The following ACOXL variants were observed in gnomAD, a reference collection of about 807,000 sequenced individuals.
ACOXL encodes the protein acyl-coenzyme A oxidase-like protein.
ACOXL carries 70 observed loss-of-function variants against 71.9 expected under a neutral mutation model. That is an observed-to-expected ratio of 0.97 (90% CI 0.80 to 1.19). The LOEUF (loss-of-function observed/expected upper bound fraction) is 1.19, where lower values mean the gene tolerates loss of function less well. ACOXL is among the 50% of genes most tolerant of loss of function. The probability of loss-of-function intolerance (pLI) is 0.00; values close to 1 mark genes in which losing one functional copy is unlikely to be tolerated. For synonymous variants in ACOXL, 253 were observed against 281.6 expected (o/e 0.90, Z 1.02); for missense variants, 703 against 736.3 (o/e 0.95, Z 0.52).
intron 17 of ACOXL, among the ~76,000 whole-genome samples, chr2:111,107,724 G>A (rs114727035): frequency 0.018 from 2,739 of 152,358 alleles, 105 homozygotes; most frequent in African/African-American, 0.063. Context: ...CCGATCTCAT[G>A]TGATCTGCCC....
At chr2:110,927,161 T>A (rs2060302816) in intron 11 of ACOXL, among the ~76,000 whole-genome samples, 1 of 152,040 alleles carries the variant, frequency 6.6e-6, no homozygotes, top group Non-Finnish European at 1.5e-5. Flanking sequence ...AAGCGGGAAG[T>A]GCCACACACT....
intron 17 of ACOXL, chr2:111,093,636 G>A: frequency 6.0e-6 from 7 of 1,175,150 alleles, no homozygotes; most frequent in Non-Finnish European, 8.4e-6. Context: ...AGGCTGAGGC[G>A]GGCAGATCTC....
At chr2:110,739,874 G>A (rs1677300568) in intron 1 of ACOXL, among the ~76,000 whole-genome samples, 1 of 152,186 alleles carries the variant, frequency 6.6e-6, no homozygotes, top group Admixed American at 6.5e-5. Context: ...ATCCCTCGTG[G>A]AATGTCAGTT....
At chr2:111,023,327 G>T (rs1256847273) in intron 14 of ACOXL, among the ~76,000 whole-genome samples, 1 of 152,174 alleles carries the variant, frequency 6.6e-6, no homozygotes, top group Admixed American at 6.5e-5. Flanking sequence ...TTTAAACGCT[G>T]CCCTGGACAG....
At chr2:110,975,523 T>G (rs1217372215) in intron 12 of ACOXL, among the ~76,000 whole-genome samples, 1 of 152,112 alleles carries the variant, frequency 6.6e-6, no homozygotes, top group Non-Finnish European at 1.5e-5. Flanking sequence ...ATAAGAATCT[T>G]TTCTTATAAA....
intron 10 of ACOXL, among the ~76,000 whole-genome samples, chr2:110,856,227 G>C (rs954567659): frequency 6.6e-6 from 1 of 152,120 alleles, no homozygotes; most frequent in Non-Finnish European, 1.5e-5. Flanking sequence ...ACTCGACCCA[G>C]GAAATCCAGC....
chr2:110,822,979 G>A (rs1380178207), intron 9 of ACOXL, among the ~76,000 whole-genome samples: 3 of 152,122 alleles, frequency 2.0e-5, no homozygotes, highest in Non-Finnish European at 4.4e-5. Flanking sequence ...CTGGCTGGGT[G>A]CAGTGGCTCA....
intron 1 of ACOXL, among the ~76,000 whole-genome samples, chr2:110,742,607 A>G (rs563525255): frequency 4.6e-5 from 7 of 152,322 alleles, no homozygotes; most frequent in African/African-American, 1.7e-4. Flanking sequence ...ATGGGCCGTG[A>G]AAAGTGAAGG....
chr2:110,979,553 C>T (rs2062610769), intron 12 of ACOXL, among the ~76,000 whole-genome samples: 1 of 152,168 alleles, frequency 6.6e-6, no homozygotes, highest in Non-Finnish European at 1.5e-5. Context: ...AGGGCCCCAG[C>T]TGCCTGCAGG....
intron 2 of ACOXL, among the ~76,000 whole-genome samples, chr2:110,773,065 A>G (rs764659336): frequency 5.3e-5 from 8 of 152,244 alleles, no homozygotes; most frequent in Non-Finnish European, 8.8e-5. Context: ...TCCAGGGACC[A>G]TAAAGGTTGA....
chr2:110,949,777 T>C, intron 12 of ACOXL, among the ~76,000 whole-genome samples: 1 of 152,170 alleles, frequency 6.6e-6, no homozygotes, highest in South Asian at 2.1e-4. Context: ...ATTATCCTTA[T>C]AGTTTTCCCA....
intron 10 of ACOXL, among the ~76,000 whole-genome samples, chr2:110,855,545 C>G (rs1693129239): frequency 6.6e-6 from 1 of 152,234 alleles, no homozygotes; most frequent in African/African-American, 2.4e-5. Flanking sequence ...TACCTGATTG[C>G]TTGTCAAAGA....
intron 14 of ACOXL, among the ~76,000 whole-genome samples, chr2:111,003,392 TA>T (rs869152202): frequency 2.0e-5 from 3 of 148,152 alleles, no homozygotes; most frequent in Non-Finnish European, 3.0e-5. Context: ...TACTAAAGAT[TA>T]AAAAAAAATT....
At chr2:110,743,454 T>C (rs1411434136) in intron 1 of ACOXL, among the ~76,000 whole-genome samples, 4 of 152,360 alleles carry the variant, frequency 2.6e-5, no homozygotes, top group African/African-American at 9.6e-5. Context: ...GCATAGTGAC[T>C]GTTCTGATTT....
intron 16 of ACOXL, among the ~76,000 whole-genome samples, chr2:111,056,543 C>G (rs1363992489): frequency 6.6e-6 from 1 of 152,028 alleles, no homozygotes; most frequent in East Asian, 1.9e-4. Context: ...AATCCCAGCA[C>G]TTTGGGAGGC....
chr2:110,953,918 A>G (rs963507367), intron 12 of ACOXL, among the ~76,000 whole-genome samples: 9 of 152,198 alleles, frequency 5.9e-5, no homozygotes, highest in African/African-American at 1.9e-4. Context: ...GGGGAAATCC[A>G]CCCCATGATC....
chr2:110,820,356 T>G lies in ACOXL; in HGVS notation c.753+14961T>G, dbSNP rs146233269. 5.5e-4 allele frequency among the ~76,000 whole-genome samples: 83 copies of G among 152,230 alleles called. No individual in the cohort carries two copies. In the East Asian group the frequency reaches 0.015, roughly 28 times the overall value. On this transcript the variant is annotated intron_variant, in intron 9 of 17. Coordinates refer to ENST00000439055, the MANE Select transcript of ACOXL (RefSeq NM_001142807.4). ...AAGGTCACAGGTGGCATGTAGGATGTGACATTAAACATAGGTGGAGAATGA... is the reference window on the plus strand; with the variant it reads ...AAGGTCACAGGTGGCATGTAGGATGGGACATTAAACATAGGTGGAGAATGA...
chr2:110,829,156 G>A (rs1017592403), intron 9 of ACOXL, among the ~76,000 whole-genome samples: 3 of 152,146 alleles, frequency 2.0e-5, no homozygotes, highest in Non-Finnish European at 4.4e-5. Flanking sequence ...GGATGATGTT[G>A]AGTATTTTCC....
intron 10 of ACOXL, among the ~76,000 whole-genome samples, chr2:110,868,005 C>T (rs1206828961): frequency 6.6e-6 from 1 of 152,208 alleles, no homozygotes; most frequent in African/African-American, 2.4e-5. Context: ...TCGTGATCCA[C>T]CCGCCTCAGC....
Sources: allele counts gnomAD v4.1 joint callset (sites outside exome capture counted in the v4.1 genomes callset), GRCh38; gene constraint gnomAD v4.1.1; transcripts MANE v1.5; gene names NCBI Gene and HGNC (gene_info 2026-07-23, HGNC 2026-07-21).